Variants in ATRX observed in about 807,000 individuals in gnomAD.
ATRX encodes ATRX chromatin remodeler.
A neutral mutation model predicts 172.6 loss-of-function variants in ATRX; 12 were observed. The ratio of observed to expected loss-of-function variants is 0.07; its 90% CI spans 0.04 to 0.11. The LOEUF is 0.11. Ranked by LOEUF, ATRX falls within the 10% of genes least tolerant of loss-of-function variation. The pLI is 1.00. For synonymous variants in ATRX, 674 were observed against 594.7 expected (o/e 1.13, Z -1.94); for missense variants, 1,368 against 1,767.4 (o/e 0.77, Z 4.05).
At chrX:77,685,450 T>C (rs781823360) in intron 7 of ATRX, among the ~76,000 whole-genome samples, 17 of 112,470 alleles carry the variant, frequency 1.5e-4, no homozygotes, top group East Asian at 5.5e-4. Context: ...CTCACCATCA[T>C]TGATTATCAG....
intron 1 of ATRX, among the ~76,000 whole-genome samples, chrX:77,737,397 T>C (rs1251694549): frequency 1.4e-5 from 1 of 73,977 alleles, no homozygotes; most frequent in Non-Finnish European, 2.3e-5. Context: ...CACTCCAGCT[T>C]AGGCGACAGG....
chrX:77,626,493 C>T (rs1454457248), intron 19 of ATRX, among the ~76,000 whole-genome samples: 2 of 111,142 alleles, frequency 1.8e-5, no homozygotes, highest in Non-Finnish European at 1.9e-5. Context: ...AAAGATATGA[C>T]AAATATATTA....
chrX:77,579,643 A>AC (rs1298815384), intron 27 of ATRX, among the ~76,000 whole-genome samples: 2 of 111,980 alleles, frequency 1.8e-5, no homozygotes, highest in Non-Finnish European at 3.8e-5. Flanking sequence ...AAGTTAGATC[A>AC]CAACACCCAA....
rs782383001 is a variant in ATRX at position 77,634,577 on chromosome X, T to C, written c.4809+17A>G. ...AATCCACAAAAACAGGATACCTTCA[T>C]ATTCTTCAGCTCTTACCTGTAAAGT... On this transcript the variant is annotated intron_variant, in intron 17 of 34. Transcript: ENST00000373344. The C allele has an allele frequency of 1.7e-6, 2 of 1,158,787 alleles. No individual in the cohort carries two copies. Among genetic ancestry groups the C allele is most frequent in the East Asian group, 3.0e-5 (1 of 33,593 alleles).
At chrX:77,714,219 T>C (rs782304793) in intron 2 of ATRX, among the ~76,000 whole-genome samples, 1 of 111,053 alleles carries the variant, frequency 9.0e-6, no homozygotes, top group Admixed American at 9.6e-5. Context: ...AAGAACTGAA[T>C]TCTGCCAACA....
intron 1 of ATRX, among the ~76,000 whole-genome samples, chrX:77,752,384 G>A (rs191610662): frequency 1.5e-4 from 17 of 112,015 alleles, no homozygotes; most frequent in African/African-American, 5.5e-4. Context: ...GGGTTGAGAT[G>A]ATGGGGTTTT....
At chrX:77,512,029 ATCAAACTC>A (rs2062887109) in intron 34 of ATRX, among the ~76,000 whole-genome samples, 2 of 111,898 alleles carry the variant, frequency 1.8e-5, no homozygotes, top group South Asian at 7.4e-4. Context: ...CCATTTAATA[ATCAAACTC>A]TCAAAGGTCA....
At chrX:77,634,440 T>G (rs1557107106) in intron 17 of ATRX, 154 bp downstream of exon 17, 2 of 459,510 alleles carry the variant, frequency 4.4e-6, no homozygotes, top group African/African-American at 4.9e-5. Flanking sequence ...AGCTCTCTCC[T>G]CCACTAGAAT....
chrX:77,624,119 CA>C (rs2067712241), intron 19 of ATRX, among the ~76,000 whole-genome samples: 1 of 111,767 alleles, frequency 8.9e-6, no homozygotes, highest in Non-Finnish European at 1.9e-5. Context: ...GTAATCCCAG[CA>C]CTTTGGGAGG....
At chrX:77,529,297 T>C (rs1413435127) in intron 30 of ATRX, among the ~76,000 whole-genome samples, 1 of 110,917 alleles carries the variant, frequency 9.0e-6, no homozygotes, top group Non-Finnish European at 1.9e-5. Flanking sequence ...ATTCAAGAAA[T>C]GCAGAGAACC....
chrX:77,718,864 G>C (rs2073594199), intron 1 of ATRX, among the ~76,000 whole-genome samples: 1 of 111,394 alleles, frequency 9.0e-6, no homozygotes, highest in Non-Finnish European at 1.9e-5. Flanking sequence ...AAACTCTTGG[G>C]CTAAAGCAAT....
intron 30 of ATRX, among the ~76,000 whole-genome samples, chrX:77,538,962 G>A (rs2063862390): frequency 9.7e-6 from 1 of 103,424 alleles, no homozygotes; most frequent in African/African-American, 3.6e-5. Context: ...TGGCGCAATC[G>A]CAGCTCACTG....
intron 28 of ATRX, among the ~76,000 whole-genome samples, chrX:77,573,371 C>T (rs1390763734): frequency 9.0e-6 from 1 of 111,337 alleles, no homozygotes. Flanking sequence ...GACAAAATTG[C>T]CTAATGATGC....
intron 9 of ATRX, among the ~76,000 whole-genome samples, chrX:77,679,673 T>C (rs1557135781): frequency 9.0e-6 from 1 of 111,727 alleles, no homozygotes. Flanking sequence ...AAATCAAACA[T>C]ACTGATTTCA....
chrX:77,763,168 G>C (rs2075782394), intron 1 of ATRX, among the ~76,000 whole-genome samples: 1 of 108,248 alleles, frequency 9.2e-6, no homozygotes, highest in Non-Finnish European at 1.9e-5. Context: ...TTTTGGGATG[G>C]AGTCTCGCTC....
At chrX:77,687,427 T>C (rs2071642438) in intron 7 of ATRX, among the ~76,000 whole-genome samples, 1 of 111,781 alleles carries the variant, frequency 8.9e-6, no homozygotes, top group African/African-American at 3.3e-5. Flanking sequence ...TCTAAAGTCA[T>C]ACAACTAGTA....
chrX:77,526,368 A>G (rs1199221377), intron 30 of ATRX, among the ~76,000 whole-genome samples: 1 of 111,891 alleles, frequency 8.9e-6, no homozygotes, highest in African/African-American at 3.3e-5. Context: ...AGGCTGGAAT[A>G]CAGTGCTCAC....
intron 16 of ATRX, 77 bp from the exon 17 acceptor site, chrX:77,634,780 A>G (rs782109831): frequency 3.6e-6 from 3 of 842,816 alleles, no homozygotes; most frequent in South Asian, 2.1e-5. Context: ...CATCAAAAAC[A>G]TAACCAAAAC....
At chrX:77,612,051 A>C (rs5912633) in intron 22 of ATRX, among the ~76,000 whole-genome samples, 56,868 of 110,448 alleles carry the variant, frequency 0.51, 12,896 homozygotes, top group Non-Finnish European at 0.68. Flanking sequence ...CTTAGAGAAA[A>C]CCATCAAAGT....
Sources: allele counts gnomAD v4.1 joint callset (sites outside exome capture counted in the v4.1 genomes callset), GRCh38; gene constraint gnomAD v4.1.1; transcripts MANE v1.5; gene names NCBI Gene and HGNC (gene_info 2026-07-23, HGNC 2026-07-21).